PUS7: variants seen among roughly 807,000 people sequenced by gnomAD.
PUS7 encodes pseudouridine synthase 7.
Under a neutral mutation model 79.8 loss-of-function variants are expected in PUS7, and 48 were observed. That is an observed-to-expected ratio of 0.60 (90% CI 0.48 to 0.76). The LOEUF (loss-of-function observed/expected upper bound fraction) is 0.76. Among genes scored for constraint, PUS7 ranks in the 30% least tolerant of loss-of-function variants. The pLI is 0.00. For synonymous variants in PUS7, 286 were observed against 272.2 expected, an observed-to-expected ratio of 1.05 and a Z score of -0.50; for missense variants, 729 against 797.6, an observed-to-expected ratio of 0.91 and a Z score of 1.04.
In PUS7 at chr7:105,495,370, A is replaced by T. The variant is rs186577915; in HGVS notation, c.731-117T>A. ...ATCAGTTCTAGTCTGATAAAGAAAT[A>T]CAGGTTAAGTGGTTATAGCTGTGTG... is the stretch of plus-strand genomic sequence containing the variant. On this transcript the variant is annotated intron_variant, in intron 5 of 15. Coordinates refer to ENST00000469408, the MANE Select transcript of PUS7 (RefSeq NM_019042.5). 195 of 646,240 alleles carry T rather than the reference A, an allele frequency of 3.0e-4. 2 individuals carry two copies. In the African/African-American group the frequency reaches 3.2e-3, roughly 11 times the overall value. The allele number at this position is 646,240 out of a possible 1,614,324, so 40.0% of individuals were successfully genotyped here.
intron 12 of PUS7, among the ~76,000 whole-genome samples, chr7:105,466,397 G>GT (rs1301765008): frequency 6.6e-6 from 1 of 151,624 alleles, no homozygotes; most frequent in East Asian, 2.0e-4. Context: ...AGCTGGGACT[G>GT]TAAGTGTGTG....
chr7:105,522,263 G>C lies in PUS7; in HGVS notation c.-244C>G, dbSNP rs1466667161. Reference sequence around the variant, plus strand: ...CACGTGCGGCGCAGCGACGCGCCGCGGCCCGACTGGACCCGCCCCGGGGGC... The same window carrying C: ...CACGTGCGGCGCAGCGACGCGCCGCCGCCCGACTGGACCCGCCCCGGGGGC... On this transcript the variant is annotated 5_prime_UTR_variant, in exon 1 of 16. Transcript: ENST00000469408. 3.3e-5 allele frequency: 5 copies of C among 151,724 alleles called. No homozygotes were observed. Among genetic ancestry groups the C allele is most frequent in the African/African-American group, 9.7e-5 (4 of 41,386 alleles). The allele number at this position is 151,724 out of a possible 1,614,324, so 9.4% of individuals were successfully genotyped here. A position where few individuals can be genotyped will look rare whatever the true frequency, so the allele number is the denominator to read the frequency against.
intron 5 of PUS7, among the ~76,000 whole-genome samples, chr7:105,500,377 C>T (rs956608205): frequency 6.6e-6 from 1 of 152,144 alleles, no homozygotes; most frequent in Non-Finnish European, 1.5e-5. Flanking sequence ...AGACCTGGCG[C>T]TGTGTTTAAT....
intron 7 of PUS7, among the ~76,000 whole-genome samples, chr7:105,484,737 G>A (rs1272178845): frequency 2.7e-5 from 4 of 150,694 alleles, no homozygotes; most frequent in Non-Finnish European, 5.9e-5. Context: ...AGAATTGCTT[G>A]AGCCCGGGAG....
At chr7:105,501,268 T>G (rs1016158490) in intron 5 of PUS7, among the ~76,000 whole-genome samples, 5 of 152,140 alleles carry the variant, frequency 3.3e-5, no homozygotes, top group African/African-American at 1.2e-4. Context: ...GTCTTAGAAT[T>G]TTGCCCCAAA....
At chr7:105,495,095 C>T (rs539984627) in intron 6 of PUS7, 47 bp downstream of exon 6, 61 of 1,121,958 alleles carry the variant, frequency 5.4e-5, no homozygotes, top group East Asian at 4.6e-4. Flanking sequence ...AAGGAATATA[C>T]GTTTCTGTTG....
chr7:105,517,896 TC>T (rs1825955598), intron 1 of PUS7, among the ~76,000 whole-genome samples: 1 of 152,198 alleles, frequency 6.6e-6, no homozygotes, highest in Admixed American at 6.5e-5. Flanking sequence ...ATGCCTGTAA[TC>T]CCAGCACTTT....
chr7:105,512,122 G>C (rs1422209597), intron 1 of PUS7, among the ~76,000 whole-genome samples: 1 of 122,574 alleles, frequency 8.2e-6, no homozygotes, highest in African/African-American at 3.1e-5. Context: ...TCCAGCCTGG[G>C]TGACAGAGAG....
chr7:105,471,722 G>A (rs1823880970), intron 10 of PUS7, among the ~76,000 whole-genome samples: 1 of 152,068 alleles, frequency 6.6e-6, no homozygotes, highest in Admixed American at 6.6e-5. Flanking sequence ...AGACCAGCCT[G>A]GCCAATGTGG....
chr7:105,498,370 A>G (rs1825117880), intron 5 of PUS7, among the ~76,000 whole-genome samples: 1 of 152,230 alleles, frequency 6.6e-6, no homozygotes, highest in Admixed American at 6.5e-5. Flanking sequence ...ATTTAAAATA[A>G]CTTGCAGACA....
At chr7:105,483,387 A>G (rs1283788124) in intron 7 of PUS7, among the ~76,000 whole-genome samples, 1 of 149,532 alleles carries the variant, frequency 6.7e-6, no homozygotes, top group Non-Finnish European at 1.5e-5. Flanking sequence ...CTGGTCTTGA[A>G]CTCCTGACCT....
intron 7 of PUS7, among the ~76,000 whole-genome samples, chr7:105,484,113 C>G (rs1278810599): frequency 6.6e-6 from 1 of 152,098 alleles, no homozygotes; most frequent in Non-Finnish European, 1.5e-5. Context: ...ATAGTATTTA[C>G]TAGATTTTTA....
rs1021938044 is a variant in PUS7 at position 105,481,171 on chromosome 7, T to C, written c.1056A>G (p.Ile352Met). 6.2e-6 allele frequency: 10 copies of C among 1,607,350 alleles called. No homozygotes were observed. In the African/African-American group the frequency reaches 8.0e-5, roughly 13 times the overall value. Residue 352 changes from isoleucine to methionine, a missense_variant, in exon 9 of 16, where the codon ATA (isoleucine) becomes ATG (methionine). Coordinates refer to ENST00000469408, the MANE Select transcript of PUS7 (RefSeq NM_019042.5). Reference sequence around the variant, plus strand: ...GCTGTACTTGGTCATCAGTTCCTGTTATATTTCTACAGGGACACAAATTAT... The same window carrying C: ...GCTGTACTTGGTCATCAGTTCCTGTCATATTTCTACAGGGACACAAATTAT... ...GNHFTVVLRNITGTDDQVQQA... is the reference protein window; with the variant it reads ...GNHFTVVLRNMTGTDDQVQQA...
chr7:105,501,967 AAAATATAT>A (rs1386415336), intron 5 of PUS7, among the ~76,000 whole-genome samples: 9 of 99,600 alleles, frequency 9.0e-5, no homozygotes, highest in African/African-American at 3.8e-4. Flanking sequence ...AAAAAAAAAA[AAAATATAT>A]ATATATATAT....
intron 6 of PUS7, among the ~76,000 whole-genome samples, chr7:105,494,719 C>G (rs1824935430): frequency 6.6e-6 from 1 of 151,898 alleles, no homozygotes; most frequent in Admixed American, 6.5e-5. Flanking sequence ...ATCGGCAATT[C>G]TTAATCCCAG....
chr7:105,459,046 A>G (rs993598344), intron 15 of PUS7, 122 bp downstream of exon 15: 2 of 535,984 alleles, frequency 3.7e-6, no homozygotes, highest in East Asian at 6.1e-5. Flanking sequence ...AGGTCATAAA[A>G]CACAACAATG....
chr7:105,521,060 G>A (rs904113565), intron 1 of PUS7, among the ~76,000 whole-genome samples: 13 of 151,716 alleles, frequency 8.6e-5, no homozygotes, highest in Admixed American at 1.3e-4. Context: ...TTCACAAGGA[G>A]TTGTTAAGTA....
Position 105,496,218 on chromosome 7 carries a change from T to TAGAG in PUS7, c.731-966_731-965insCTCT, listed in dbSNP as rs1309951962. Among the ~76,000 whole-genome samples, 731 of 81,672 alleles carry TAGAG rather than the reference T, an allele frequency of 9.0e-3. 6 individuals carry two copies. Among genetic ancestry groups the TAGAG allele is most frequent in the African/African-American group, 0.015 (275 of 18,924 alleles). The allele number at this position is 81,672 out of a possible 152,430, so 53.6% of individuals were successfully genotyped here. A position where few individuals can be genotyped will look rare whatever the true frequency, so the allele number is the denominator to read the frequency against. Reference sequence around the variant, plus strand: ...ACACATATATATATATATATATATATATATATATAGAGAGAGAGAGAGAGA... The same window carrying TAGAG: ...ACACATATATATATATATATATATATAGAGATATATATAGAGAGAGAGAGAGAGA... On this transcript the variant is annotated intron_variant, in intron 5 of 15. Transcript: ENST00000469408.
intron 9 of PUS7, among the ~76,000 whole-genome samples, chr7:105,474,760 G>A (rs1442970614): frequency 1.3e-5 from 2 of 152,256 alleles, no homozygotes; most frequent in Non-Finnish European, 1.5e-5. Flanking sequence ...CAGCCTGGGC[G>A]ACAGAGCAAG....
Sources: allele counts gnomAD v4.1 joint callset (sites outside exome capture counted in the v4.1 genomes callset), GRCh38; gene constraint gnomAD v4.1.1; transcripts MANE v1.5; gene names NCBI Gene and HGNC (gene_info 2026-07-23, HGNC 2026-07-21).